Variants in VAV2 observed in about 807,000 individuals in gnomAD.
VAV2 encodes the protein guanine nucleotide exchange factor VAV2.
In VAV2, 67 loss-of-function variants were observed where a neutral mutation model predicts 132.5. The ratio of observed to expected loss-of-function variants is 0.51; its 90% confidence interval spans 0.42 to 0.62. VAV2 has a LOEUF of 0.62. Ranked by LOEUF, VAV2 falls within the 20% of genes least tolerant of loss-of-function variation. The pLI is 0.00. For missense variants in VAV2, 938 were observed against 1,153.6 expected, an observed-to-expected ratio of 0.81 and a Z score of 2.71; for synonymous variants, 492 against 443.5, an observed-to-expected ratio of 1.11 and a Z score of -1.37.
At chr9:133,868,335 T>C (rs6479627) in intron 2 of VAV2, among the ~76,000 whole-genome samples, 59,028 of 152,088 alleles carry the variant, frequency 0.39, 13,619 homozygotes, top group African/African-American at 0.65. Flanking sequence ...AGTCTTCTGG[T>C]TCTGGCCAGG....
At chr9:133,909,576 G>A (rs564267194) in intron 2 of VAV2, among the ~76,000 whole-genome samples, 1 of 152,282 alleles carries the variant, frequency 6.6e-6, no homozygotes, top group African/African-American at 2.4e-5. Flanking sequence ...ATGGAAGGCT[G>A]TGCCATCCAC....
At chr9:133,839,526 C>T (rs1355440121) in intron 3 of VAV2, among the ~76,000 whole-genome samples, 1 of 151,454 alleles carries the variant, frequency 6.6e-6, no homozygotes, top group Non-Finnish European at 1.5e-5. Context: ...TCTCGGCTCA[C>T]TGCAACCTCT....
intron 3 of VAV2, among the ~76,000 whole-genome samples, chr9:133,860,869 T>C (rs374018054): frequency 7.2e-4 from 109 of 152,240 alleles, no homozygotes; most frequent in African/African-American, 2.4e-3. Context: ...ACAGGGGTCA[T>C]GGGACCCTCT....
chr9:133,874,605 T>C (rs1261318609), intron 2 of VAV2, among the ~76,000 whole-genome samples: 1 of 152,136 alleles, frequency 6.6e-6, no homozygotes, highest in African/African-American at 2.4e-5. Context: ...GGTGGGGTTA[T>C]GGGAACAGCA....
intron 29 of VAV2, among the ~76,000 whole-genome samples, chr9:133,767,485 C>G (rs1017025410): frequency 6.6e-6 from 1 of 152,044 alleles, no homozygotes; most frequent in African/African-American, 2.4e-5. Context: ...GGGAAAGAGC[C>G]CAGGTATGTG....
intron 1 of VAV2, among the ~76,000 whole-genome samples, chr9:133,978,307 C>A (rs995809844): frequency 6.6e-6 from 1 of 152,206 alleles, no homozygotes; most frequent in Admixed American, 6.5e-5. Flanking sequence ...GGAAGGATGA[C>A]CCTGGAGGCA....
intron 3 of VAV2, among the ~76,000 whole-genome samples, chr9:133,851,749 T>C (rs2428127): frequency 0.034 from 4,849 of 140,602 alleles, 259 homozygotes; most frequent in African/African-American, 0.13. Flanking sequence ...GGTGGATGGG[T>C]ATATTGGGTG....
rs965652272 is a variant in VAV2 at position 133,804,197 on chromosome 9, A to G, written c.836+1884T>C. On this transcript the variant is annotated intron_variant, in intron 9 of 29. Transcript: ENST00000371850. The surrounding 1 kb of genome is among the most constrained non-coding windows in gnomAD (Gnocchi z 4.5). ...CCAGGACCTTGGGGCCGAATCCGAA[A>G]TGAGAGGAAAGGGGCAAAAAAGCTG... is the stretch of plus-strand genomic sequence containing the variant. Among the ~76,000 whole-genome samples, 6 of 152,224 alleles carry G rather than the reference A, an allele frequency of 3.9e-5. No individual in the cohort carries two copies. Among genetic ancestry groups the G allele is most frequent in the African/African-American group, 7.2e-5 (3 of 41,456 alleles).
intron 11 of VAV2, 117 bp from the exon 12 acceptor site, chr9:133,795,853 C>T (rs1369811426): frequency 1.1e-5 from 12 of 1,114,154 alleles, no homozygotes; most frequent in African/African-American, 4.7e-5. Flanking sequence ...AAGCCACCCC[C>T]ACCCGCCAGC....
chr9:133,799,297 G>A (rs755114359), intron 9 of VAV2, among the ~76,000 whole-genome samples: 16 of 152,178 alleles, frequency 1.1e-4, no homozygotes, highest in Middle Eastern at 3.2e-3. Flanking sequence ...TCCTCACCAC[G>A]GCCAGGGCCG....
At position 133,863,869 on chromosome 9, in the gene VAV2, G is replaced by A. The variant is rs1588284506; in HGVS notation, c.322-2437C>T. Among the ~76,000 whole-genome samples the A allele has an allele frequency of 6.6e-6, 1 of 152,152 alleles. No individual in the cohort carries two copies. The highest frequency in any genetic ancestry group is 2.4e-5 in the African/African-American group (1 of 41,428). ...TGAGATAGCCATGGGGTCAGATGGG[G>A]CAAAGCCGGCCCCATGTGAAACCCA... On this transcript the variant is annotated intron_variant, in intron 2 of 29. Coordinates refer to ENST00000371850, the MANE Select transcript of VAV2 (RefSeq NM_001134398.2). This position sits in a 1 kb window ranked among gnomAD's most constrained non-coding sequence, Gnocchi z 5.0.
intron 3 of VAV2, among the ~76,000 whole-genome samples, chr9:133,846,370 C>A (rs1836935563): frequency 6.6e-6 from 1 of 152,254 alleles, no homozygotes; most frequent in South Asian, 2.1e-4. Flanking sequence ...TCCCGACCCA[C>A]AACCCTCCGC....
chr9:133,904,543 C>A lies in VAV2; in HGVS notation c.321+34560G>T, dbSNP rs12005095. ...GGAAAGCAGCCCCTGCAACAAAGCACGTGTCCAGCCGAGCCCAAACGTGGG... is the reference window on the plus strand; with the variant it reads ...GGAAAGCAGCCCCTGCAACAAAGCAAGTGTCCAGCCGAGCCCAAACGTGGG... On this transcript the variant is annotated intron_variant, in intron 2 of 29. Transcript: ENST00000371850. Among the ~76,000 whole-genome samples, 598 of 152,378 alleles carry A rather than the reference C, an allele frequency of 3.9e-3. 6 individuals are homozygous for A. The highest frequency in any genetic ancestry group is 0.013 in the African/African-American group (537 of 41,590).
At chr9:133,970,769 G>C (rs762228866) in intron 1 of VAV2, among the ~76,000 whole-genome samples, 1 of 152,210 alleles carries the variant, frequency 6.6e-6, no homozygotes, top group South Asian at 2.1e-4. Flanking sequence ...AAATGGTCTC[G>C]TCTGTCCATC....
rs1418605404 is a variant in VAV2, at chr9:133,931,930, G to A, written c.321+7173C>T. ...TTGCTTAGGTGGGGATAACACAGGCGACACCACGGCACATGGTAAACAGTC... is the reference window on the plus strand; with the variant it reads ...TTGCTTAGGTGGGGATAACACAGGCAACACCACGGCACATGGTAAACAGTC... On this transcript the variant is annotated intron_variant, in intron 2 of 29. Transcript: ENST00000371850. Among the ~76,000 whole-genome samples, 3 of 152,290 alleles carry A rather than the reference G, an allele frequency of 2.0e-5. No individual in the cohort carries two copies. In the East Asian group the frequency reaches 5.8e-4, roughly 29 times the overall value.
In VAV2 at chr9:133,794,191, C is replaced by T. The variant is rs530776494; in HGVS notation, c.1101+1477G>A. ...CTCAGAGCCCCCGAGGACGCATCCA[C>T]GCTGGCTCACACACCGTGGCTCACA... On this transcript the variant is annotated intron_variant, in intron 12 of 29. Coordinates refer to ENST00000371850, the MANE Select transcript of VAV2 (RefSeq NM_001134398.2). This position sits in a 1 kb window ranked among gnomAD's most constrained non-coding sequence, Gnocchi z 4.6. 2.6e-5 allele frequency among the ~76,000 whole-genome samples: 4 copies of T among 152,300 alleles called. No individual in the cohort carries two copies. The South Asian group carries it at 6.2e-4, about 24-fold the overall frequency.
chr9:133,985,318 G>A (rs536009421), intron 1 of VAV2, among the ~76,000 whole-genome samples: 4 of 151,102 alleles, frequency 2.6e-5, no homozygotes, highest in African/African-American at 4.9e-5. Context: ...GTCTCACTCT[G>A]TCACCCAGGC....
intron 2 of VAV2, among the ~76,000 whole-genome samples, chr9:133,898,231 G>A (rs1193230111): frequency 6.6e-6 from 1 of 152,112 alleles, no homozygotes; most frequent in Non-Finnish European, 1.5e-5. Context: ...AGCCGACAGG[G>A]TGGCCAGAGG....
In VAV2 at chr9:133,939,157, C is replaced by T. The variant is rs1204739233; in HGVS notation, c.267G>A (p.Arg89=). ...LKVCHDKFGL[R]NSELFDPFDL... The stretch of plus-strand genomic sequence containing the variant: ...CAAAGGGGTCAAACAGCTCGCTGTT[C>T]CTTAATCCAAATTTATCGTGGCAGA... Residue 89 remains arginine (R), a synonymous_variant, in exon 2 of 30, where the codon AGG becomes AGA. Transcript: ENST00000371850. 1.2e-6 allele frequency: 2 copies of T among 1,614,110 alleles called. No homozygotes were observed. The highest frequency in any genetic ancestry group is 2.2e-5 in the East Asian group (1 of 44,892).
Sources: allele counts gnomAD v4.1 joint callset (sites outside exome capture counted in the v4.1 genomes callset), GRCh38; gene constraint gnomAD v4.1.1; non-coding constraint Gnocchi (gnomAD v3.1); transcripts MANE v1.5; gene names NCBI Gene and HGNC (gene_info 2026-07-23, HGNC 2026-07-21).